Variants in CDH12 observed in about 807,000 individuals in gnomAD.
CDH12 encodes cadherin-12.
CDH12 carries 41 observed loss-of-function variants against 74.1 expected under a neutral mutation model. That is an observed-to-expected ratio of 0.55 (90% CI 0.43 to 0.72). The LOEUF (loss-of-function observed/expected upper bound fraction) is 0.72. Among genes scored for constraint, CDH12 ranks in the 30% least tolerant of loss-of-function variants. The pLI, the probability that CDH12 is intolerant of heterozygous loss-of-function variation, is 0.00. For missense variants in CDH12, 945 were observed against 977.2 expected (o/e 0.97, Z 0.44); for synonymous variants, 399 against 355.0 (o/e 1.12, Z -1.39).
chr5:22,122,913 C>T (rs761223466), intron 4 of CDH12, among the ~76,000 whole-genome samples: 1 of 152,210 alleles, frequency 6.6e-6, no homozygotes, highest in African/African-American at 2.4e-5. Context: ...TACATCAGCT[C>T]TCCTTGTTCT....
intron 4 of CDH12, among the ~76,000 whole-genome samples, chr5:22,109,200 C>T (rs772085433): frequency 3.3e-5 from 5 of 152,076 alleles, no homozygotes; most frequent in Non-Finnish European, 7.3e-5. Context: ...TACTAACTGG[C>T]CTTTAGTTCT....
intron 1 of CDH12, among the ~76,000 whole-genome samples, chr5:22,705,528 C>A (rs900168832): frequency 1.3e-5 from 2 of 151,244 alleles, no homozygotes; most frequent in Non-Finnish European, 3.0e-5. Context: ...CACACACACA[C>A]AAACACACAC....
intron 2 of CDH12, among the ~76,000 whole-genome samples, chr5:22,459,672 T>C (rs1271573071): frequency 1.3e-5 from 2 of 152,120 alleles, no homozygotes; most frequent in African/African-American, 4.8e-5. Flanking sequence ...TTGCAAGTAA[T>C]GAATTTTGAA....
At chr5:22,502,624 C>A (rs982381197) in intron 2 of CDH12, among the ~76,000 whole-genome samples, 20 of 150,730 alleles carry the variant, frequency 1.3e-4, no homozygotes, top group South Asian at 8.4e-4. Context: ...AGTCTATTGC[C>A]AGCAGTCATC....
At chr5:22,562,507 A>G (rs773043956) in intron 1 of CDH12, among the ~76,000 whole-genome samples, 6 of 152,202 alleles carry the variant, frequency 3.9e-5, no homozygotes, top group Non-Finnish European at 8.8e-5. Flanking sequence ...AAATATATGG[A>G]TTTTCTACAA....
chr5:22,007,667 A>C (rs1737046660), intron 5 of CDH12, among the ~76,000 whole-genome samples: 1 of 152,172 alleles, frequency 6.6e-6, no homozygotes, highest in African/African-American at 2.4e-5. Context: ...AATGTAAATA[A>C]ATGTATAGAG....
chr5:22,145,522 T>C (rs1174217448), intron 4 of CDH12, among the ~76,000 whole-genome samples: 1 of 152,120 alleles, frequency 6.6e-6, no homozygotes, highest in Admixed American at 6.6e-5. Flanking sequence ...GTTTTTCCCA[T>C]TGTGATGCTT....
At chr5:22,241,073 G>A (rs1357269659) in intron 3 of CDH12, among the ~76,000 whole-genome samples, 2 of 151,992 alleles carry the variant, frequency 1.3e-5, no homozygotes, top group African/African-American at 2.4e-5. Context: ...TGGTAAGGAC[G>A]CATATTGCTT....
intron 5 of CDH12, among the ~76,000 whole-genome samples, chr5:22,013,266 AG>A (rs1323912841): frequency 1.3e-5 from 2 of 152,188 alleles, no homozygotes; most frequent in African/African-American, 2.4e-5. Context: ...CGAGCAAAGC[AG>A]GGAAGAACTC....
At chr5:22,507,315 C>CT (rs1274329005) in intron 1 of CDH12, among the ~76,000 whole-genome samples, 1 of 151,924 alleles carries the variant, frequency 6.6e-6, no homozygotes, top group Non-Finnish European at 1.5e-5. Context: ...GACAAAAAGT[C>CT]TGAGTTAGCT....
rs1468292620 is a variant in CDH12, at chr5:22,066,498, G to A, written c.231+11948C>T. ...AGCATAAAGACTTGTGGAGGTCAGCGGACCAATGAAGTTCAGCTTGGGTCC... is the reference window on the plus strand; with the variant it reads ...AGCATAAAGACTTGTGGAGGTCAGCAGACCAATGAAGTTCAGCTTGGGTCC... On this transcript the variant is annotated intron_variant, in intron 5 of 14. Coordinates refer to ENST00000382254, the MANE Select transcript of CDH12 (RefSeq NM_004061.5). 5.3e-5 allele frequency among the ~76,000 whole-genome samples: 8 copies of A among 152,128 alleles called. No homozygotes were observed. In the South Asian group the frequency reaches 1.5e-3, roughly 28 times the overall value.
At chr5:22,067,764 T>C (rs768518659) in intron 5 of CDH12, among the ~76,000 whole-genome samples, 1 of 152,022 alleles carries the variant, frequency 6.6e-6, no homozygotes, top group Non-Finnish European at 1.5e-5. Flanking sequence ...AAAGATACTC[T>C]CCTTTTTAGA....
At chr5:22,541,494 T>G (rs1413664469) in intron 1 of CDH12, among the ~76,000 whole-genome samples, 3 of 152,186 alleles carry the variant, frequency 2.0e-5, no homozygotes, top group African/African-American at 7.2e-5. Flanking sequence ...TGTCCCACAA[T>G]TGGTACACAC....
chr5:22,233,817 T>C (rs1752470614), intron 3 of CDH12, among the ~76,000 whole-genome samples: 1 of 152,314 alleles, frequency 6.6e-6, no homozygotes, highest in East Asian at 1.9e-4. Flanking sequence ...AGAAGTTTAG[T>C]TGGCACTAAA....
At chr5:22,600,547 G>A (rs2126811577) in intron 1 of CDH12, among the ~76,000 whole-genome samples, 1 of 152,074 alleles carries the variant, frequency 6.6e-6, no homozygotes, top group African/African-American at 2.4e-5. Flanking sequence ...TATCTATAGT[G>A]TTGCATAGAG....
intron 1 of CDH12, among the ~76,000 whole-genome samples, chr5:22,546,467 C>T (rs1012177077): frequency 6.6e-6 from 1 of 152,158 alleles, no homozygotes; most frequent in Admixed American, 6.5e-5. Context: ...AACCAATCAT[C>T]GACCTTCCAT....
At chr5:22,790,289 T>A (rs2126380343) in intron 1 of CDH12, among the ~76,000 whole-genome samples, 1 of 152,212 alleles carries the variant, frequency 6.6e-6, no homozygotes, top group South Asian at 2.1e-4. Context: ...GTGATAGCAA[T>A]TATCAAAACT....
chr5:22,811,965 T>C (rs1749167894), intron 1 of CDH12, among the ~76,000 whole-genome samples: 1 of 152,206 alleles, frequency 6.6e-6, no homozygotes. Flanking sequence ...TGAAATAACA[T>C]GGCAGAGAAA....
intron 1 of CDH12, among the ~76,000 whole-genome samples, chr5:22,629,122 A>G (rs1004972592): frequency 6.6e-6 from 1 of 152,074 alleles, no homozygotes; most frequent in Non-Finnish European, 1.5e-5. Context: ...GCTGCCAACC[A>G]GGAAAAGGCC....
Sources: allele counts gnomAD v4.1 joint callset (sites outside exome capture counted in the v4.1 genomes callset), GRCh38; gene constraint gnomAD v4.1.1; transcripts MANE v1.5; gene names NCBI Gene and HGNC (gene_info 2026-07-23, HGNC 2026-07-21).